FABP3: variants seen among roughly 807,000 people sequenced by gnomAD.
FABP3 encodes fatty acid-binding protein, heart.
In FABP3, 8 loss-of-function variants were observed where a neutral mutation model predicts 13.4. That is an observed-to-expected ratio of 0.60 (90% CI 0.35 to 1.07). FABP3 has a LOEUF of 1.07. FABP3 is among the 50% of genes least tolerant of loss of function. FABP3 has a pLI of 0.02. For missense variants in FABP3, 135 were observed against 164.7 expected (o/e 0.82, Z 0.99); for synonymous variants, 64 against 60.0 (o/e 1.07, Z -0.31).
At chr1:31,366,576 G>A (rs1346819733) in intron 3 of FABP3, among the ~76,000 whole-genome samples, 2 of 152,226 alleles carry the variant, frequency 1.3e-5, no homozygotes, top group Non-Finnish European at 2.9e-5. Context: ...AGGTTATGCT[G>A]ACCCAAGAAG....
chr1:31,361,065 G>A (rs758647123), downstream of FABP3, among the ~76,000 whole-genome samples: 13 of 152,124 alleles, frequency 8.5e-5, no homozygotes, highest in Non-Finnish European at 1.8e-4. Flanking sequence ...ACCCAGTGAG[G>A]CTCCTGACCC....
rs5773353 is a variant in FABP3 at position 31,365,704 on chromosome 1, TAAAAA to T, written c.*177_*181del. ...CCTCAGAGCACCCTATGAGTGCAGT[TAAAAA>T]AAAAAAAAAAAAACCACATACACCA... On this transcript the variant is annotated 3_prime_UTR_variant, in exon 4 of 4. Transcript: ENST00000373713. 14 of 457,316 alleles carry T rather than the reference TAAAAA, an allele frequency of 3.1e-5. No individual in the cohort carries two copies. The highest frequency in any genetic ancestry group is 7.2e-5 in the Admixed American group (2 of 27,694). The allele number at this position is 457,316 out of a possible 1,614,324, so 28.3% of individuals were successfully genotyped here. A position where few individuals can be genotyped will look rare whatever the true frequency, so the allele number is the denominator to read the frequency against.
In FABP3 at chr1:31,372,511, G is replaced by A. The variant is rs59331291; in HGVS notation, c.73+431C>T. On this transcript the variant is annotated intron_variant, in intron 1 of 3. Transcript: ENST00000373713. ...TTCCCCACTAATCTTTTTCCTCCTAGGTATTTCCTACTTGTTTACATCATT... is the reference window on the plus strand; with the variant it reads ...TTCCCCACTAATCTTTTTCCTCCTAAGTATTTCCTACTTGTTTACATCATT... Among the ~76,000 whole-genome samples the A allele has an allele frequency of 8.5e-3, 1,298 of 152,076 alleles. 20 individuals are homozygous for A. Among genetic ancestry groups the A allele is most frequent in the African/African-American group, 0.029 (1,219 of 41,468 alleles).
At chr1:31,368,697 G>A (rs1243498088) in intron 2 of FABP3, among the ~76,000 whole-genome samples, 1 of 152,222 alleles carries the variant, frequency 6.6e-6, no homozygotes, top group Non-Finnish European at 1.5e-5. Context: ...GAGGCAAGCT[G>A]CCAAGACAGC....
intron 2 of FABP3, 123 bp from the exon 3 acceptor site, chr1:31,367,617 C>T: frequency 1.2e-6 from 1 of 803,624 alleles, no homozygotes; most frequent in African/African-American, 1.7e-5. Context: ...GGTGTGAGGA[C>T]AAGAGCTCAG....
At chr1:31,367,336 G>A (rs1431581775) in intron 3 of FABP3, 57 bp downstream of exon 3, 1 of 1,409,032 alleles carries the variant, frequency 7.1e-7, no homozygotes, top group Admixed American at 1.7e-5. Flanking sequence ...AACAGGCTTG[G>A]CTGAAAGAGC....
At chr1:31,368,128 A>G (rs547776105) in intron 2 of FABP3, among the ~76,000 whole-genome samples, 22 of 152,260 alleles carry the variant, frequency 1.4e-4, no homozygotes, top group Middle Eastern at 3.4e-3. Context: ...CAGCATACAT[A>G]CATCAGCTGG....
At chr1:31,362,106 A>G (rs1038068505), downstream of FABP3, among the ~76,000 whole-genome samples, 2 of 152,172 alleles carry the variant, frequency 1.3e-5, no homozygotes, top group Non-Finnish European at 2.9e-5. Flanking sequence ...CACCGCGCCC[A>G]GCCAGTAGAT....
chr1:31,364,339 G>A (rs920559595), downstream of FABP3: 12 of 1,393,444 alleles, frequency 8.6e-6, no homozygotes, highest in South Asian at 1.7e-4. Flanking sequence ...TCATGCAACA[G>A]GCAGGTTTGG....
chr1:31,372,857 G>A lies in FABP3; in HGVS notation c.73+85C>T, dbSNP rs186383858. The A allele has an allele frequency of 3.8e-4, 499 of 1,313,036 alleles. 3 individuals are homozygous for A. The African/African-American group carries it at 3.8e-3, about 10-fold the overall frequency. 81.3% of individuals were successfully genotyped at this position (1,313,036 alleles called of 1,614,324 possible). ...CCCTATTCCCCAGTCTTAACCAGGAGGGATGCGGCAGGAGTGCTGCGTGGG... is the reference window on the plus strand; with the variant it reads ...CCCTATTCCCCAGTCTTAACCAGGAAGGATGCGGCAGGAGTGCTGCGTGGG... On this transcript the variant is annotated intron_variant, in intron 1 of 3. Coordinates refer to ENST00000373713, the MANE Select transcript of FABP3 (RefSeq NM_004102.5).
chr1:31,363,225 C>G (rs1639990764), downstream of FABP3, among the ~76,000 whole-genome samples: 1 of 150,530 alleles, frequency 6.6e-6, no homozygotes, highest in Admixed American at 6.6e-5. Flanking sequence ...GCTCTGTCGC[C>G]AAGGCTGGAG....
chr1:31,367,702 G>A (rs1640138481), intron 2 of FABP3, among the ~76,000 whole-genome samples: 1 of 152,196 alleles, frequency 6.6e-6, no homozygotes. Flanking sequence ...GCCTTTCTGG[G>A]GAAGAGGCCT....
downstream of FABP3, chr1:31,364,475 C>A: frequency 2.3e-6 from 1 of 431,386 alleles, no homozygotes; most frequent in Non-Finnish European, 4.2e-6. Flanking sequence ...GCAGGAGGTC[C>A]TATTACCCTC....
intron 2 of FABP3, among the ~76,000 whole-genome samples, chr1:31,368,740 G>T (rs1244032021): frequency 6.6e-6 from 1 of 152,222 alleles, no homozygotes; most frequent in African/African-American, 2.4e-5. Context: ...GGGAGGAGGG[G>T]CTAAGGCTTG....
chr1:31,361,406 G>A (rs530059735), downstream of FABP3, among the ~76,000 whole-genome samples: 23 of 152,264 alleles, frequency 1.5e-4, no homozygotes, highest in African/African-American at 5.3e-4. Flanking sequence ...TGCTTATCTT[G>A]TTTAAACCTC....
chr1:31,363,529 C>G (rs1484001628), downstream of FABP3, among the ~76,000 whole-genome samples: 4 of 152,062 alleles, frequency 2.6e-5, no homozygotes, highest in Admixed American at 2.6e-4. Flanking sequence ...TGGTGTCTCA[C>G]ACCTGTAATC....
the FABP3 span, among the ~76,000 whole-genome samples, chr1:31,359,604 G>A: frequency 4.1e-4 from 62 of 151,912 alleles, no homozygotes; most frequent in Non-Finnish European, 8.7e-4. Context: ...TTCAGTTTTT[G>A]CTTTTATTTT....
the FABP3 span, among the ~76,000 whole-genome samples, chr1:31,359,891 T>A: frequency 2.0e-5 from 3 of 152,202 alleles, no homozygotes; most frequent in South Asian, 6.2e-4. Context: ...CCCTTCTCAC[T>A]TGAATGAAGT....
intron 2 of FABP3, 49 bp from the exon 3 acceptor site, chr1:31,367,543 A>AGG (rs1214314856): frequency 1.3e-6 from 2 of 1,511,182 alleles, no homozygotes. Context: ...TCAGGAATTG[A>AGG]GGGGCAGGGT....
Sources: gnomAD v4.1 joint callset for allele counts (sites outside exome capture counted in the v4.1 genomes callset) on GRCh38, gnomAD v4.1.1 for gene constraint, MANE v1.5 for transcripts, NCBI Gene and HGNC (gene_info 2026-07-23, HGNC 2026-07-21) for gene names.